ARL6: variants seen among roughly 807,000 people sequenced by gnomAD.
ARL6 encodes ADP-ribosylation factor-like protein 6.
ARL6 carries 18 observed loss-of-function variants against 27.1 expected under a neutral mutation model. The ratio of observed to expected loss-of-function variants is 0.66; its 90% CI spans 0.46 to 0.98. The LOEUF (loss-of-function observed/expected upper bound fraction) is 0.98. Among genes scored for constraint, ARL6 ranks in the 50% least tolerant of loss-of-function variants. The probability of loss-of-function intolerance (pLI) is 0.00; values close to 1 mark genes in which losing one functional copy is unlikely to be tolerated. For synonymous variants in ARL6, 65 were observed against 72.3 expected, an observed-to-expected ratio of 0.90 and a Z score of 0.51; for missense variants, 187 against 214.9, an observed-to-expected ratio of 0.87 and a Z score of 0.81.
intron 2 of ARL6, among the ~76,000 whole-genome samples, chr3:97,774,211 A>G (rs1254746946): frequency 6.6e-6 from 1 of 152,220 alleles, no homozygotes; most frequent in East Asian, 1.9e-4. Context: ...TATATAAATT[A>G]GAAAACTCGA....
At chr3:97,771,149 C>G (rs1033100897) in intron 2 of ARL6, among the ~76,000 whole-genome samples, 2 of 152,022 alleles carry the variant, frequency 1.3e-5, no homozygotes, top group Non-Finnish European at 2.9e-5. Flanking sequence ...AATCCATGAG[C>G]ATAGATAGAA....
At chr3:97,787,957 G>A in intron 5 of ARL6, 33 bp from the exon 6 acceptor site, 1 of 1,611,882 alleles carries the variant, frequency 6.2e-7, no homozygotes, top group Non-Finnish European at 8.5e-7. Flanking sequence ...TAAAAAGCTG[G>A]AAGTGTGATG....
intron 2 of ARL6, among the ~76,000 whole-genome samples, chr3:97,768,723 A>G (rs750308196): frequency 6.6e-6 from 1 of 152,158 alleles, no homozygotes; most frequent in Non-Finnish European, 1.5e-5. Flanking sequence ...AGTCTGCTGC[A>G]TATAAAGAAA....
chr3:97,768,148 A>C lies in ARL6; in HGVS notation c.41A>C (p.Lys14Thr). The change falls in exon 2 of 8, where the codon AAG becomes ACG. Residue 14 changes from lysine (K) to threonine (T), a missense_variant. Coordinates refer to ENST00000463745, the MANE Select transcript of ARL6 (RefSeq NM_001278293.3). ...AGACTTTCAGTCTTGCTTGGCCTGA[A>C]GAAGAAGGAGGTTCATGTTTTGTGC... is the stretch of plus-strand genomic sequence containing the variant. ...LDRLSVLLGLKKKEVHVLCLG... is the reference protein window; with the variant it reads ...LDRLSVLLGLTKKEVHVLCLG... 1 of 1,613,098 alleles carries C rather than the reference A, an allele frequency of 6.2e-7. No individual in the cohort carries two copies. The highest frequency in any genetic ancestry group is 8.5e-7 in the Non-Finnish European group (1 of 1,179,208).
chr3:97,775,756 C>T (rs981823988), intron 2 of ARL6, among the ~76,000 whole-genome samples: 10 of 152,174 alleles, frequency 6.6e-5, no homozygotes. Context: ...AAGTTCCTCT[C>T]ATTATTGATT....
chr3:97,773,517 T>C (rs1462741241), intron 2 of ARL6, among the ~76,000 whole-genome samples: 2 of 152,110 alleles, frequency 1.3e-5, no homozygotes, highest in Non-Finnish European at 2.9e-5. Context: ...ATACATAATG[T>C]TCAAATAAGG....
chr3:97,785,085 G>A lies in ARL6; in HGVS notation c.349+36G>A, dbSNP rs200081059. ...GTCTTTCAGTCTGTATCTGTTCTTTGGGGTTCATTTATGTGTAATGTTTTG... is the reference window on the plus strand; with the variant it reads ...GTCTTTCAGTCTGTATCTGTTCTTTAGGGTTCATTTATGTGTAATGTTTTG... On this transcript the variant is annotated intron_variant, in intron 5 of 7. Transcript: ENST00000463745. 10,706 of 1,526,424 alleles carry A rather than the reference G, an allele frequency of 7.0e-3. 69 individuals carry two copies. The highest frequency in any genetic ancestry group is 7.7e-3 in the Non-Finnish European group (8,506 of 1,100,988). The allele number at this position is 1,526,424 out of a possible 1,614,324, so 94.6% of individuals were successfully genotyped here. A position where few individuals can be genotyped will look rare whatever the true frequency, so the allele number is the denominator to read the frequency against.
chr3:97,772,599 G>C (rs1341544141), intron 2 of ARL6, among the ~76,000 whole-genome samples: 1 of 149,128 alleles, frequency 6.7e-6, no homozygotes, highest in African/African-American at 2.5e-5. Context: ...TGCATCATTG[G>C]GTTATTTGAA....
chr3:97,771,567 A>G (rs1382581729), intron 2 of ARL6, among the ~76,000 whole-genome samples: 1 of 149,174 alleles, frequency 6.7e-6, no homozygotes, highest in African/African-American at 2.6e-5. Context: ...AGTGGTGAAA[A>G]TGAACATCCT....
rs552611830 is a variant in ARL6 at position 97,770,866 on chromosome 3, T to C, written c.123+2636T>C. Among the ~76,000 whole-genome samples, 9 of 152,220 alleles carry C rather than the reference T, an allele frequency of 5.9e-5. 1 individual carries two copies. Among genetic ancestry groups the C allele is most frequent in the African/African-American group, 2.2e-4 (9 of 41,532 alleles). On this transcript the variant is annotated intron_variant, in intron 2 of 7. Transcript: ENST00000463745. ...TTTATTTCTGGCTTCTCTGTTCTCT[T>C]CTGTTGGTCTGTGTGTGTGTGTTTA...
intron 3 of ARL6, 137 bp from the exon 4 acceptor site, chr3:97,780,478 A>G: frequency 1.3e-6 from 1 of 780,448 alleles, no homozygotes; most frequent in Non-Finnish European, 2.1e-6. Flanking sequence ...TTTATTTCAT[A>G]GAACTTTTAC....
intron 4 of ARL6, among the ~76,000 whole-genome samples, chr3:97,783,016 G>A (rs2037274134): frequency 6.7e-6 from 1 of 150,016 alleles, no homozygotes; most frequent in African/African-American, 2.4e-5. Flanking sequence ...GTTTGGTGAA[G>A]AGAGACATTT....
At chr3:97,782,816 C>T (rs2037263095) in intron 4 of ARL6, among the ~76,000 whole-genome samples, 1 of 147,880 alleles carries the variant, frequency 6.8e-6, no homozygotes, top group African/African-American at 2.5e-5. Context: ...ATATATATAA[C>T]CATAGTAGTA....
chr3:97,773,305 C>G (rs1204973290), intron 2 of ARL6, among the ~76,000 whole-genome samples: 1 of 152,186 alleles, frequency 6.6e-6, no homozygotes, highest in Non-Finnish European at 1.5e-5. Context: ...TCTGGGCGCA[C>G]TGGCAGCTGA....
In ARL6 at chr3:97,800,203, G is replaced by C. The variant is rs116491677; in HGVS notation, c.*2154G>C. On this transcript the variant is annotated 3_prime_UTR_variant, in exon 8 of 8. Transcript: ENST00000463745. Reference sequence around the variant, plus strand: ...TTGTTTTCATGATCTCCAAAATCTAGTTTTTAGTCTATAAACATCCATCCC... The same window carrying C: ...TTGTTTTCATGATCTCCAAAATCTACTTTTTAGTCTATAAACATCCATCCC... The C allele has an allele frequency of 7.6e-6, 1 of 132,086 alleles. No individual in the cohort carries two copies. The highest frequency in any genetic ancestry group is 1.8e-5 in the Non-Finnish European group (1 of 55,574). 8.2% of individuals were successfully genotyped at this position (132,086 alleles called of 1,614,324 possible).
chr3:97,766,722 A>G (rs2107971249), intron 1 of ARL6: 1 of 152,328 alleles, frequency 6.6e-6, no homozygotes, highest in South Asian at 2.1e-4. Flanking sequence ...TATGGAATAA[A>G]AAGTATTGAA....
At chr3:97,784,144 A>G (rs2037332234) in intron 4 of ARL6, among the ~76,000 whole-genome samples, 1 of 151,866 alleles carries the variant, frequency 6.6e-6, no homozygotes, top group African/African-American at 2.4e-5. Flanking sequence ...CTAAAAGTCC[A>G]GCAACAAATG....
Position 97,798,211 on chromosome 3 carries a change from A to G in ARL6, c.*162A>G. 1 of 684,966 alleles carries G rather than the reference A, an allele frequency of 1.5e-6. No homozygotes were observed. The highest frequency in any genetic ancestry group is 2.0e-5 in the South Asian group (1 of 49,182). The allele number at this position is 684,966 out of a possible 1,614,324, so 42.4% of individuals were successfully genotyped here. On this transcript the variant is annotated 3_prime_UTR_variant, in exon 8 of 8. Coordinates refer to ENST00000463745, the MANE Select transcript of ARL6 (RefSeq NM_001278293.3). ...AAGAACATAGGACTTCAGGTATGCT[A>G]ATTTGGCCATTAATTATTTAAAAAC...
In ARL6 at chr3:97,785,335, CA is replaced by C. The variant is rs35946388; in HGVS notation, c.349+302del. 0.52 allele frequency among the ~76,000 whole-genome samples: 59,830 copies of C among 115,576 alleles called. 13,241 individuals are homozygous for C. The highest frequency in any genetic ancestry group is 0.67 in the East Asian group (2,992 of 4,478). The allele number at this position is 115,576 out of a possible 152,430, so 75.8% of individuals were successfully genotyped here. A position where few individuals can be genotyped will look rare whatever the true frequency, so the allele number is the denominator to read the frequency against. ...TCTGATTACATAAATTGTACCAAAGCAAAAAAAAAAAAAAAATCAGATGGAA... is the reference window on the plus strand; with the variant it reads ...TCTGATTACATAAATTGTACCAAAGCAAAAAAAAAAAAAAATCAGATGGAA... On this transcript the variant is annotated intron_variant, in intron 5 of 7. Coordinates refer to ENST00000463745, the MANE Select transcript of ARL6 (RefSeq NM_001278293.3).
Sources: gnomAD v4.1 joint callset for allele counts (sites outside exome capture counted in the v4.1 genomes callset) on GRCh38, gnomAD v4.1.1 for gene constraint, MANE v1.5 for transcripts, NCBI Gene and HGNC (gene_info 2026-07-23, HGNC 2026-07-21) for gene names.